C2orf72: variants seen among roughly 807,000 people sequenced by gnomAD.
C2orf72 encodes the protein chromosome 2 open reading frame 72.
C2orf72 carries 16 observed loss-of-function variants against 14.4 expected under a neutral mutation model. The ratio of observed to expected loss-of-function variants is 1.11; its 90% CI spans 0.75 to 1.69. The LOEUF (loss-of-function observed/expected upper bound fraction) is 1.69. Ranked by LOEUF, C2orf72 falls within the 40% of genes most tolerant of loss-of-function variation. The pLI is 0.00. For missense variants in C2orf72, 371 were observed against 358.3 expected (o/e 1.04, Z -0.29); for synonymous variants, 168 against 176.8 (o/e 0.95, Z 0.40).
At chr2:231,042,258 C>T (rs1477940847) in intron 2 of C2orf72, among the ~76,000 whole-genome samples, 4 of 152,124 alleles carry the variant, frequency 2.6e-5, no homozygotes, top group East Asian at 1.9e-4. Context: ...AGATAGGAAG[C>T]GCACTGATCC....
At chr2:231,041,192 A>T in intron 1 of C2orf72, 104 bp from the exon 2 acceptor site, 1 of 777,790 alleles carries the variant, frequency 1.3e-6, no homozygotes. Flanking sequence ...AGTTGAAACT[A>T]GGGCAGTTGA....
rs1480128557 is a variant in C2orf72 at position 231,049,229 on chromosome 2, A to G, written c.*2208A>G. The G allele has an allele frequency of 1.3e-5, 2 of 151,996 alleles. No homozygotes were observed. Among genetic ancestry groups the G allele is most frequent in the African/African-American group, 2.4e-5 (1 of 41,364 alleles). The allele number at this position is 151,996 out of a possible 1,614,324, so 9.4% of individuals were successfully genotyped here. A position where few individuals can be genotyped will look rare whatever the true frequency, so the allele number is the denominator to read the frequency against. ...GAGTTTGTAGCCTCTGCTCCAAAGGATGGTTTACACATTATTTTTTCATTA... is the reference window on the plus strand; with the variant it reads ...GAGTTTGTAGCCTCTGCTCCAAAGGGTGGTTTACACATTATTTTTTCATTA... On this transcript the variant is annotated 3_prime_UTR_variant, in exon 3 of 3. Transcript: ENST00000373640.
At chr2:231,041,268 T>C in intron 1 of C2orf72, 28 bp from the exon 2 acceptor site, 1 of 1,506,266 alleles carries the variant, frequency 6.6e-7, no homozygotes, top group Non-Finnish European at 9.0e-7. Flanking sequence ...CATGTGACCC[T>C]CTGACTCAGG....
In C2orf72 at chr2:231,037,867, C is replaced by T. The variant is rs1307203639; in HGVS notation, c.302C>T (p.Ala101Val). 1.2e-5 allele frequency: 12 copies of T among 979,316 alleles called. No homozygotes were observed. The highest frequency in any genetic ancestry group is 1.4e-5 in the Non-Finnish European group (12 of 827,914). 60.7% of individuals were successfully genotyped at this position (979,316 alleles called of 1,614,324 possible). A position where few individuals can be genotyped will look rare whatever the true frequency, so the allele number is the denominator to read the frequency against. Residue 101 changes from alanine (A) to valine (V), a missense_variant, in exon 1 of 3, where the codon GCC becomes GTC. Physicochemically the swap from Ala to Val is moderately conservative, Grantham distance 64. Coordinates refer to ENST00000373640, the MANE Select transcript of C2orf72 (RefSeq NM_001144994.2). ...GGGGCGGCGGCGGCGGCGGCGCGCG[C>T]CATCCGCTCGCCGCTGGTCTTCGTG... ...AAGAAAAAAR[A>V]IRSPLVFVLC... is the part of the protein sequence containing the mutation.
intron 1 of C2orf72, 37 bp downstream of exon 1, chr2:231,038,236 C>T: frequency 8.5e-7 from 1 of 1,176,438 alleles, no homozygotes. Flanking sequence ...CGCGGGCGGG[C>T]GGTGGCTCGG....
rs953189200 is a variant in C2orf72, at chr2:231,037,602, G to T, written c.37G>T (p.Ala13Ser). ...GCTGGAGGCGCTGGCGGCCCGGCTT[G>T]CGCGCCCTGCCGAGCCGCCCTTCCA... is the stretch of plus-strand genomic sequence containing the variant. ...RELEALAARLARPAEPPFQAL... is the reference protein window; with the variant it reads ...RELEALAARLSRPAEPPFQAL... The change falls in exon 1 of 3, where the codon GCG becomes TCG. Residue 13 changes from alanine to serine, a missense_variant. This residue lies in a region of C2orf72 where 214 missense variants were observed against 178.7 expected (regional missense o/e 1.20). Transcript: ENST00000373640. 7.4e-6 allele frequency: 8 copies of T among 1,079,864 alleles called. No individual in the cohort carries two copies. In the African/African-American group the frequency reaches 1.0e-4, roughly 14 times the overall value. 66.9% of individuals were successfully genotyped at this position (1,079,864 alleles called of 1,614,324 possible).
rs1693339296 is a variant in C2orf72 at position 231,041,484 on chromosome 2, G to A, written c.748+75G>A. 4.4e-6 allele frequency: 5 copies of A among 1,140,862 alleles called. No individual in the cohort carries two copies. In the Admixed American group the frequency reaches 1.0e-4, roughly 24 times the overall value. The allele number at this position is 1,140,862 out of a possible 1,614,324, so 70.7% of individuals were successfully genotyped here. On this transcript the variant is annotated intron_variant, in intron 2 of 2. Coordinates refer to ENST00000373640, the MANE Select transcript of C2orf72 (RefSeq NM_001144994.2). The stretch of plus-strand genomic sequence containing the variant: ...ATGGGAGTGGTCACGTGAACTTGGG[G>A]ACCTTAGGGACAGAGTGGACCAACA...
rs914419824 is a variant in C2orf72 at position 231,037,613 on chromosome 2, C to T, written c.48C>T (p.Ala16=). 3.3e-4 allele frequency: 365 copies of T among 1,098,884 alleles called. No individual in the cohort carries two copies. The highest frequency in any genetic ancestry group is 3.8e-4 in the Non-Finnish European group (343 of 900,502). The allele number at this position is 1,098,884 out of a possible 1,614,324, so 68.1% of individuals were successfully genotyped here. ...TGGCGGCCCGGCTTGCGCGCCCTGC[C>T]GAGCCGCCCTTCCAGGCGTTGGTGG... ...EALAARLARP[A]EPPFQALVEA... is the part of the protein sequence containing the mutation. Residue 16 remains alanine (A), a synonymous_variant, in exon 1 of 3, where the codon GCC becomes GCT. Transcript: ENST00000373640.
chr2:231,038,406 C>T (rs1349309231), intron 1 of C2orf72, among the ~76,000 whole-genome samples: 2 of 150,994 alleles, frequency 1.3e-5, no homozygotes, highest in African/African-American at 2.4e-5. Flanking sequence ...CCGGAGTGCA[C>T]GGGAGATGCC....
At chr2:231,038,511 CGGGGTGGGTG>C (rs1440951611) in intron 1 of C2orf72, among the ~76,000 whole-genome samples, 1 of 7,728 alleles carries the variant, frequency 1.3e-4, no homozygotes, top group African/African-American at 5.9e-4. Context: ...CTAGGAGTTA[CGGGGTGGGTG>C]GGGGTGGGGA....
At position 231,047,002 on chromosome 2, in the gene C2orf72, C is replaced by G. The variant is rs755889903; in HGVS notation, c.869C>G (p.Pro290Arg). The G allele has an allele frequency of 1.3e-6, 2 of 1,551,518 alleles. No individual in the cohort carries two copies. The highest frequency in any genetic ancestry group is 2.4e-5 in the South Asian group (2 of 84,050). The change falls in exon 3 of 3, where the codon CCC becomes CGC. Residue 290 changes from proline (P) to arginine (R), a missense_variant. Physicochemically the swap from Pro to Arg is moderately radical, Grantham distance 103. Transcript: ENST00000373640. ...CDGVVHTPAE[P>R]TGDSR ...GGAGTCGTACACACTCCTGCTGAGC[C>G]CACCGGAGACTCAAGATGAAGGCTG...
rs114875170 is a variant in C2orf72, at chr2:231,038,989, G to A, written c.634+790G>A. Among the ~76,000 whole-genome samples, 543 of 152,186 alleles carry A rather than the reference G, an allele frequency of 3.6e-3. 7 individuals carry two copies. Among genetic ancestry groups the A allele is most frequent in the African/African-American group, 0.012 (514 of 41,520 alleles). Reference sequence around the variant, plus strand: ...AAGGGTCAGGATCTCCTTCCTCCTGGAACACAAGGCTTTACAGGAACTCTC... The same window carrying A: ...AAGGGTCAGGATCTCCTTCCTCCTGAAACACAAGGCTTTACAGGAACTCTC... On this transcript the variant is annotated intron_variant, in intron 1 of 2. Transcript: ENST00000373640.
Position 231,037,860 on chromosome 2 carries a change from G to C in C2orf72, c.295G>C (p.Ala99Pro), listed in dbSNP as rs1318013463. 2 of 979,318 alleles carry C rather than the reference G, an allele frequency of 2.0e-6. No individual in the cohort carries two copies. Among genetic ancestry groups the C allele is most frequent in the Non-Finnish European group, 2.4e-6 (2 of 827,672 alleles). The allele number at this position is 979,318 out of a possible 1,614,324, so 60.7% of individuals were successfully genotyped here. A position where few individuals can be genotyped will look rare whatever the true frequency, so the allele number is the denominator to read the frequency against. ...GGCGGCGGGGGCGGCGGCGGCGGCGGCGCGCGCCATCCGCTCGCCGCTGGT... is the reference window on the plus strand; with the variant it reads ...GGCGGCGGGGGCGGCGGCGGCGGCGCCGCGCGCCATCCGCTCGCCGCTGGT... ...AGAAGAAAAA[A>P]RAIRSPLVFV... Residue 99 changes from alanine (A) to proline (P), a missense_variant, in exon 1 of 3, where the codon GCG becomes CCG. Physicochemically the swap from Ala to Pro is conservative, Grantham distance 27. Transcript: ENST00000373640.
Position 231,048,032 on chromosome 2 carries a change from C to T in C2orf72, c.*1011C>T, listed in dbSNP as rs1693441478. On this transcript the variant is annotated 3_prime_UTR_variant, in exon 3 of 3. Coordinates refer to ENST00000373640, the MANE Select transcript of C2orf72 (RefSeq NM_001144994.2). ...ATAGGACTTGCTCTAGCTCTCAGGTCCTAGCCCAAGCTCAATGCAAACACA... is the reference window on the plus strand; with the variant it reads ...ATAGGACTTGCTCTAGCTCTCAGGTTCTAGCCCAAGCTCAATGCAAACACA... The T allele has an allele frequency of 6.6e-6, 1 of 152,268 alleles. No homozygotes were observed. Among genetic ancestry groups the T allele is most frequent in the Non-Finnish European group, 1.5e-5 (1 of 68,064 alleles). 9.4% of individuals were successfully genotyped at this position (152,268 alleles called of 1,614,324 possible).
chr2:231,039,646 C>A (rs944890439), intron 1 of C2orf72, among the ~76,000 whole-genome samples: 14 of 152,090 alleles, frequency 9.2e-5, no homozygotes, highest in African/African-American at 3.4e-4. Flanking sequence ...TTTGTTGAGG[C>A]TGTGATTGTT....
At position 231,038,030 on chromosome 2, in the gene C2orf72, G is replaced by T; in HGVS notation, c.465G>T (p.Ala155=). The T allele has an allele frequency of 9.3e-7, 1 of 1,080,884 alleles. No homozygotes were observed. Among genetic ancestry groups the T allele is most frequent in the Non-Finnish European group, 1.1e-6 (1 of 893,342 alleles). 67.0% of individuals were successfully genotyped at this position (1,080,884 alleles called of 1,614,324 possible). The change falls in exon 1 of 3, where the codon GCG becomes GCT. Residue 155 remains alanine, a synonymous_variant. Coordinates refer to ENST00000373640, the MANE Select transcript of C2orf72 (RefSeq NM_001144994.2). ...VLVAEAGPED[A]VAPGLRLLEA... ...TGGCCGAGGCCGGGCCAGAGGACGCGGTGGCGCCGGGGCTGCGGCTGCTGG... is the reference window on the plus strand; with the variant it reads ...TGGCCGAGGCCGGGCCAGAGGACGCTGTGGCGCCGGGGCTGCGGCTGCTGG...
At chr2:231,039,701 A>G (rs1693315876) in intron 1 of C2orf72, among the ~76,000 whole-genome samples, 1 of 151,952 alleles carries the variant, frequency 6.6e-6, no homozygotes, top group African/African-American at 2.4e-5. Flanking sequence ...CTCCAATAGA[A>G]AGAAGGGAAT....
intron 2 of C2orf72, among the ~76,000 whole-genome samples, chr2:231,043,182 G>A (rs907097114): frequency 4.6e-5 from 7 of 152,102 alleles, no homozygotes; most frequent in African/African-American, 9.7e-5. Context: ...GGAGAACCCC[G>A]CTCTCCAGTC....
chr2:231,046,276 A>G (rs931619350), intron 2 of C2orf72, among the ~76,000 whole-genome samples: 7 of 145,730 alleles, frequency 4.8e-5, no homozygotes, highest in African/African-American at 7.7e-5. Flanking sequence ...GATTTCCCCA[A>G]TTTTACTTCT....
Sources: allele counts gnomAD v4.1 joint callset (sites outside exome capture counted in the v4.1 genomes callset), GRCh38; gene constraint gnomAD v4.1.1; regional missense constraint gnomAD v4.1.1; transcripts MANE v1.5; gene names NCBI Gene and HGNC (gene_info 2026-07-23, HGNC 2026-07-21).